Variants in NCKAP5 observed in about 807,000 individuals in gnomAD.
The protein encoded by NCKAP5 is nck-associated protein 5.
In NCKAP5, 92 loss-of-function variants were observed where a neutral mutation model predicts 167.0. The observed-to-expected ratio is 0.55, with a 90% CI of 0.47 to 0.66. The LOEUF is 0.66. Ranked by LOEUF, NCKAP5 falls within the 30% of genes least tolerant of loss-of-function variation. NCKAP5 has a pLI of 0.00. For synonymous variants in NCKAP5, 891 were observed against 877.4 expected (o/e 1.02, Z -0.27); for missense variants, 2,378 against 2,315.0 (o/e 1.03, Z -0.56).
At chr2:132,955,374 A>C (rs1055259116) in intron 8 of NCKAP5, among the ~76,000 whole-genome samples, 19 of 152,138 alleles carry the variant, frequency 1.2e-4, no homozygotes, top group African/African-American at 4.6e-4. Context: ...GGGCCTCTGG[A>C]TCTAAGTCTG....
chr2:133,561,809 A>T (rs2105021557), intron 1 of NCKAP5, among the ~76,000 whole-genome samples: 1 of 152,348 alleles, frequency 6.6e-6, no homozygotes, highest in African/African-American at 2.4e-5. Context: ...ATTATATTTG[A>T]CATATATGTC....
rs574949106 is a variant in NCKAP5 at position 132,868,987 on chromosome 2, A to C, written c.649-13T>G. On this transcript the variant is annotated splice_polypyrimidine_tract_variant and intron_variant, in intron 9 of 19. Coordinates refer to ENST00000409261, the MANE Select transcript of NCKAP5 (RefSeq NM_207363.3). ...CTTGGTTGGCTACCTTTAAAAAATA[A>C]AGAAAAAGTTGTCATTTATAATAAT... The C allele has an allele frequency of 7.6e-5, 117 of 1,529,734 alleles. No individual in the cohort carries two copies. In the South Asian group the frequency reaches 1.4e-3, roughly 18 times the overall value. The allele number at this position is 1,529,734 out of a possible 1,614,324, so 94.8% of individuals were successfully genotyped here.
intron 8 of NCKAP5, among the ~76,000 whole-genome samples, chr2:132,916,150 CCT>C (rs1694857800): frequency 6.6e-6 from 1 of 151,754 alleles, no homozygotes; most frequent in Admixed American, 6.6e-5. Context: ...CAGAGGCTGC[CCT>C]CTTTTTTTTT....
chr2:132,927,244 G>A (rs1695974417), intron 8 of NCKAP5, among the ~76,000 whole-genome samples: 2 of 152,128 alleles, frequency 1.3e-5, no homozygotes, highest in South Asian at 4.1e-4. Flanking sequence ...TTTTATAGAA[G>A]TGCCATGCTG....
chr2:133,162,260 G>T (rs2083822088), intron 5 of NCKAP5, among the ~76,000 whole-genome samples: 1 of 152,144 alleles, frequency 6.6e-6, no homozygotes. Flanking sequence ...CATTTGCAAA[G>T]ACTTTTTTTA....
chr2:133,274,677 A>C (rs1045329152), intron 4 of NCKAP5, among the ~76,000 whole-genome samples: 19 of 151,910 alleles, frequency 1.3e-4, no homozygotes, highest in Admixed American at 7.9e-4. Context: ...CTAGAAACAG[A>C]CTCACATTTA....
chr2:133,573,411 G>A (rs1365854919), upstream of NCKAP5, among the ~76,000 whole-genome samples: 1 of 152,160 alleles, frequency 6.6e-6, no homozygotes, highest in East Asian at 1.9e-4. Context: ...AGGACCTTTG[G>A]CGAGGGGGCT....
At chr2:133,387,582 A>G (rs1391910988) in intron 3 of NCKAP5, among the ~76,000 whole-genome samples, 1 of 152,020 alleles carries the variant, frequency 6.6e-6, no homozygotes, top group Admixed American at 6.6e-5. Flanking sequence ...CCTGAATTTG[A>G]ATGTTGGCCT....
chr2:132,697,590 G>T (rs1307678353), intron 19 of NCKAP5, among the ~76,000 whole-genome samples: 1 of 133,950 alleles, frequency 7.5e-6, no homozygotes, highest in Non-Finnish European at 1.5e-5. Context: ...TACTGTGGAT[G>T]AACTTAAGGT....
intron 3 of NCKAP5, among the ~76,000 whole-genome samples, chr2:133,444,788 C>T (rs866137775): frequency 5.3e-5 from 8 of 152,202 alleles, no homozygotes; most frequent in Non-Finnish European, 8.8e-5. Flanking sequence ...GAACTCCAGG[C>T]CTGACCCTCT....
intron 1 of NCKAP5, among the ~76,000 whole-genome samples, chr2:133,560,446 T>A (rs1475550951): frequency 2.0e-5 from 3 of 152,084 alleles, no homozygotes; most frequent in Non-Finnish European, 4.4e-5. Context: ...ATAAGTGCTA[T>A]GAAAAACAGA....
At chr2:133,209,317 C>T (rs560138988) in intron 5 of NCKAP5, among the ~76,000 whole-genome samples, 15 of 150,046 alleles carry the variant, frequency 1.0e-4, no homozygotes, top group East Asian at 9.8e-4. Flanking sequence ...GTATGAAAAA[C>T]GGTGGTGGCA....
chr2:133,135,620 A>C (rs2082762646), intron 5 of NCKAP5, among the ~76,000 whole-genome samples: 1 of 151,752 alleles, frequency 6.6e-6, no homozygotes, highest in Admixed American at 6.6e-5. Flanking sequence ...TAAATATTTA[A>C]AATAAATATA....
At chr2:133,158,900 C>T (rs117533881) in intron 5 of NCKAP5, among the ~76,000 whole-genome samples, 2 of 135,310 alleles carry the variant, frequency 1.5e-5, no homozygotes, top group East Asian at 6.3e-4. Context: ...AGAAGAAATA[C>T]AATGCATGGC....
chr2:132,756,593 A>T (rs1000968545), intron 16 of NCKAP5, among the ~76,000 whole-genome samples: 1 of 152,170 alleles, frequency 6.6e-6, no homozygotes, highest in Non-Finnish European at 1.5e-5. Context: ...AAACCCAGAA[A>T]ATAAGTTCTT....
At chr2:133,205,751 T>C (rs1165474715) in intron 5 of NCKAP5, among the ~76,000 whole-genome samples, 1 of 151,052 alleles carries the variant, frequency 6.6e-6, no homozygotes, top group Non-Finnish European at 1.5e-5. Context: ...CTTCCATGAA[T>C]ATGCCATATA....
At chr2:133,273,878 A>G (rs1418563009) in intron 4 of NCKAP5, among the ~76,000 whole-genome samples, 1 of 150,766 alleles carries the variant, frequency 6.6e-6, no homozygotes, top group Admixed American at 6.6e-5. Flanking sequence ...ATAACATTCA[A>G]CACTTATTCA....
At chr2:133,096,897 C>T (rs2149662992) in intron 6 of NCKAP5, among the ~76,000 whole-genome samples, 1 of 152,272 alleles carries the variant, frequency 6.6e-6, no homozygotes, top group East Asian at 1.9e-4. Flanking sequence ...TTAGAACATG[C>T]TTATTAAGGG....
At chr2:133,107,010 T>C (rs2081728903) in intron 6 of NCKAP5, among the ~76,000 whole-genome samples, 1 of 152,166 alleles carries the variant, frequency 6.6e-6, no homozygotes, top group Admixed American at 6.5e-5. Flanking sequence ...ATGGGAGCAA[T>C]TTTTAGCCTG....
Sources: allele counts gnomAD v4.1 joint callset (sites outside exome capture counted in the v4.1 genomes callset), GRCh38; gene constraint gnomAD v4.1.1; transcripts MANE v1.5; gene names NCBI Gene and HGNC (gene_info 2026-07-23, HGNC 2026-07-21).